KIAA0586: variants seen among roughly 807,000 people sequenced by gnomAD.
The protein encoded by KIAA0586 is protein TALPID3.
Under a neutral mutation model 169.8 loss-of-function variants are expected in KIAA0586, and 144 were observed. The ratio of observed to expected loss-of-function variants is 0.85; its 90% CI spans 0.74 to 0.97. The LOEUF is 0.97. Ranked by LOEUF, KIAA0586 falls within the 50% of genes least tolerant of loss-of-function variation. KIAA0586 has a pLI of 0.00. For missense variants in KIAA0586, 1,854 were observed against 1,823.0 expected, an observed-to-expected ratio of 1.02 and a Z score of -0.31; for synonymous variants, 625 against 612.4, an observed-to-expected ratio of 1.02 and a Z score of -0.30.
At position 58,454,567 on chromosome 14, in the gene KIAA0586, G is replaced by A. The variant is rs79446436; in HGVS notation, c.1253+1094G>A. ...TTTTATTCCACCCTGAAGGACTCCTGATAGTATTTCTTATAGGGTAGGTCT... is the reference window on the plus strand; with the variant it reads ...TTTTATTCCACCCTGAAGGACTCCTAATAGTATTTCTTATAGGGTAGGTCT... On this transcript the variant is annotated intron_variant, in intron 9 of 30. Transcript: ENST00000652326. Among the ~76,000 whole-genome samples the A allele has an allele frequency of 4.5e-4, 69 of 152,266 alleles. No homozygotes were observed. In the East Asian group the frequency reaches 0.01, roughly 23 times the overall value.
intron 29 of KIAA0586, among the ~76,000 whole-genome samples, chr14:58,514,122 T>C (rs1595447959): frequency 6.6e-6 from 1 of 152,096 alleles, no homozygotes; most frequent in East Asian, 1.9e-4. Flanking sequence ...GTACATATCT[T>C]TATACTAGAA....
At chr14:58,532,438 A>G (rs917598614) in intron 29 of KIAA0586, among the ~76,000 whole-genome samples, 3 of 152,220 alleles carry the variant, frequency 2.0e-5, no homozygotes, top group Admixed American at 1.3e-4. Context: ...GCAATCCTGC[A>G]TGTGCAGACT....
chr14:58,459,803 T>C, intron 12 of KIAA0586, 40 bp from the exon 13 acceptor site: 1 of 1,096,994 alleles, frequency 9.1e-7, no homozygotes, highest in South Asian at 1.5e-5. Context: ...CATTACTATT[T>C]GTAGACATTT....
intron 21 of KIAA0586, among the ~76,000 whole-genome samples, chr14:58,483,913 G>C (rs1009569968): frequency 6.6e-6 from 1 of 152,132 alleles, no homozygotes; most frequent in African/African-American, 2.4e-5. Flanking sequence ...AATGTGATTA[G>C]TGTGCCAAAG....
rs1429876590 is a variant in KIAA0586, at chr14:58,470,674, T to C, written c.2504T>C (p.Leu835Pro). 1 of 1,610,436 alleles carries C rather than the reference T, an allele frequency of 6.2e-7. No individual in the cohort carries two copies. Among genetic ancestry groups the C allele is most frequent in the South Asian group, 1.1e-5 (1 of 91,010 alleles). The change falls in exon 17 of 31, where the codon CTG becomes CCG. Residue 835 changes from leucine to proline, a missense_variant. By Grantham distance (98) the Leu-to-Pro change is moderately conservative. Coordinates refer to ENST00000652326, the MANE Select transcript of KIAA0586 (RefSeq NM_001329943.3). Reference protein sequence around the residue: ...SNSSADVLSPLSSPKEASLPP... With the variant: ...SNSSADVLSPPSSPKEASLPP... ...AGTAGTGCTGATGTCCTTTCACCTCTGTCTAGCCCCAAAGAAGCATCTCTT... is the reference window on the plus strand; with the variant it reads ...AGTAGTGCTGATGTCCTTTCACCTCCGTCTAGCCCCAAAGAAGCATCTCTT...
At chr14:58,500,182 G>A (rs1687322953) in intron 27 of KIAA0586, among the ~76,000 whole-genome samples, 1 of 152,150 alleles carries the variant, frequency 6.6e-6, no homozygotes, top group Non-Finnish European at 1.5e-5. Flanking sequence ...GGAAATACAG[G>A]ATTAGGTTTC....
rs371699634 is a variant in KIAA0586 at position 58,526,661 on chromosome 14, A to C, written c.4430-13410A>C. On this transcript the variant is annotated intron_variant, in intron 29 of 30. Coordinates refer to ENST00000652326, the MANE Select transcript of KIAA0586 (RefSeq NM_001329943.3). ...CAGAACACCTCTTCTTCAAAGGATCACAACTCCTCGCCAGCAAGGGAACAA... is the reference window on the plus strand; with the variant it reads ...CAGAACACCTCTTCTTCAAAGGATCCCAACTCCTCGCCAGCAAGGGAACAA... Among the ~76,000 whole-genome samples, 136 of 152,334 alleles carry C rather than the reference A, an allele frequency of 8.9e-4. 1 individual carries two copies. The highest frequency in any genetic ancestry group is 6.8e-3 in the Middle Eastern group (2 of 294).
At chr14:58,543,969 T>C in intron 30 of KIAA0586, 1 of 455,668 alleles carries the variant, frequency 2.2e-6, no homozygotes, top group Non-Finnish European at 4.4e-6. Flanking sequence ...ATCACCCAGG[T>C]ATTAAGCCTA....
intron 19 of KIAA0586, among the ~76,000 whole-genome samples, chr14:58,475,112 C>T (rs1216538687): frequency 6.6e-6 from 1 of 152,162 alleles, no homozygotes; most frequent in South Asian, 2.1e-4. Flanking sequence ...TTATGGTTTG[C>T]TGCTAGGCCA....
intron 29 of KIAA0586, chr14:58,521,560 G>C (rs1307739954): frequency 1.1e-6 from 1 of 874,870 alleles, no homozygotes; most frequent in East Asian, 2.7e-5. Context: ...ATGTCAGCAT[G>C]TATCAGGAAA....
chr14:58,439,480 C>G (rs953830209), intron 4 of KIAA0586, among the ~76,000 whole-genome samples: 5 of 152,114 alleles, frequency 3.3e-5, no homozygotes, highest in African/African-American at 1.2e-4. Context: ...AGCCACCGCG[C>G]CTGGCCAGAC....
intron 26 of KIAA0586, among the ~76,000 whole-genome samples, chr14:58,497,631 G>A (rs2043251139): frequency 6.6e-6 from 1 of 151,480 alleles, no homozygotes; most frequent in African/African-American, 2.4e-5. Flanking sequence ...CCAAAGTGCT[G>A]GGTGGTGTGA....
At position 58,548,200 on chromosome 14, in the gene KIAA0586, G is replaced by A. The variant is rs1416660481; in HGVS notation, c.*268G>A. The A allele has an allele frequency of 1.5e-5, 5 of 336,174 alleles. No homozygotes were observed. Among genetic ancestry groups the A allele is most frequent in the Admixed American group, 4.6e-5 (1 of 21,632 alleles). 20.8% of individuals were successfully genotyped at this position (336,174 alleles called of 1,614,324 possible). A position where few individuals can be genotyped will look rare whatever the true frequency, so the allele number is the denominator to read the frequency against. ...AAAGGGCATGGCTTTTGACATCTAG[G>A]CATTTAATCTATAGGTGTAATTATC... On this transcript the variant is annotated 3_prime_UTR_variant, in exon 31 of 31. Transcript: ENST00000652326.
intron 16 of KIAA0586, among the ~76,000 whole-genome samples, chr14:58,468,432 A>G (rs1210645412): frequency 2.0e-5 from 3 of 152,204 alleles, no homozygotes; most frequent in Non-Finnish European, 4.4e-5. Context: ...TTCTAGGCCA[A>G]TGACTTATAT....
chr14:58,551,287 T>G lies in KIAA0586; in HGVS notation c.*3355T>G, dbSNP rs2047194626. ...GAATCTTGAATAAATATTTTTATTC[T>G]TAGAAGATTATTTCAATATGTTTCT... On this transcript the variant is annotated 3_prime_UTR_variant, in exon 31 of 31. Transcript: ENST00000652326. 1 of 152,242 alleles carries G rather than the reference T, an allele frequency of 6.6e-6. No homozygotes were observed. Among genetic ancestry groups the G allele is most frequent in the South Asian group, 2.1e-4 (1 of 4,836 alleles). 9.4% of individuals were successfully genotyped at this position (152,242 alleles called of 1,614,324 possible). A position where few individuals can be genotyped will look rare whatever the true frequency, so the allele number is the denominator to read the frequency against.
chr14:58,543,983 C>A (rs1468980093), intron 30 of KIAA0586: 2 of 446,086 alleles, frequency 4.5e-6, no homozygotes, highest in South Asian at 3.3e-5. Flanking sequence ...AAGCCTAGTA[C>A]CCAATAGTTA....
the KIAA0586 span, among the ~76,000 whole-genome samples, chr14:58,560,376 G>C: frequency 6.6e-6 from 1 of 152,196 alleles, no homozygotes; most frequent in Non-Finnish European, 1.5e-5. Context: ...TTCACAGGCT[G>C]GTTCTCATGT....
At chr14:58,462,500 G>A (rs530478772) in intron 14 of KIAA0586, among the ~76,000 whole-genome samples, 5 of 152,132 alleles carry the variant, frequency 3.3e-5, no homozygotes, top group African/African-American at 9.6e-5. Context: ...TGATCCACCC[G>A]CCTCAGCCTC....
At chr14:58,544,711 A>G (rs969867627) in intron 30 of KIAA0586, among the ~76,000 whole-genome samples, 3 of 152,122 alleles carry the variant, frequency 2.0e-5, no homozygotes, top group South Asian at 2.1e-4. Flanking sequence ...TTTCTCTAAT[A>G]CATTTGTTTT....
Sources: gnomAD v4.1 joint callset for allele counts (sites outside exome capture counted in the v4.1 genomes callset) on GRCh38, gnomAD v4.1.1 for gene constraint, MANE v1.5 for transcripts, NCBI Gene and HGNC (gene_info 2026-07-23, HGNC 2026-07-21) for gene names.